DMD: variants seen among roughly 807,000 people sequenced by gnomAD.
The protein encoded by DMD is dystrophin.
In DMD, 63 loss-of-function variants were observed where a neutral mutation model predicts 330.1. The observed-to-expected ratio is 0.19, with a 90% CI of 0.16 to 0.24. The LOEUF is 0.24. Ranked by LOEUF, DMD falls within the 10% of genes least tolerant of loss-of-function variation. DMD has a pLI of 1.00. For missense variants in DMD, 3,344 were observed against 2,684.1 expected (o/e 1.25, Z -5.43); for synonymous variants, 1,223 against 959.8 (o/e 1.27, Z -5.07).
intron 2 of DMD, among the ~76,000 whole-genome samples, chrX:32,962,199 C>CA (rs1162509823): frequency 2.7e-5 from 3 of 111,574 alleles, no homozygotes; most frequent in Non-Finnish European, 5.7e-5. Flanking sequence ...CAATAACTTG[C>CA]ACCATTGCAG....
intron 4 of DMD, among the ~76,000 whole-genome samples, chrX:32,844,355 G>A (rs190013320): frequency 8.5e-4 from 89 of 104,166 alleles, no homozygotes; most frequent in Admixed American, 8.1e-3. Context: ...GCAGTGAGCC[G>A]AGATCACGCC....
At chrX:31,296,820 T>A (rs1489716822) in intron 62 of DMD, among the ~76,000 whole-genome samples, 3 of 111,964 alleles carry the variant, frequency 2.7e-5, no homozygotes, top group African/African-American at 9.7e-5. Context: ...ATTTTTGTTA[T>A]CCTTTAGCTT....
At chrX:32,597,335 C>G (rs1019134759) in intron 12 of DMD, among the ~76,000 whole-genome samples, 1 of 111,613 alleles carries the variant, frequency 9.0e-6, no homozygotes, top group Admixed American at 9.5e-5. Flanking sequence ...TCCACTAGAA[C>G]AGAGATGCCC....
chrX:32,815,550 T>C (rs1413945487), intron 6 of DMD, among the ~76,000 whole-genome samples: 3 of 97,308 alleles, frequency 3.1e-5, no homozygotes, highest in African/African-American at 1.3e-4. Flanking sequence ...TATATACATA[T>C]ATAGAGTATA....
chrX:32,602,972 G>A (rs990792129), intron 12 of DMD, among the ~76,000 whole-genome samples: 3 of 111,021 alleles, frequency 2.7e-5, no homozygotes, highest in Admixed American at 9.6e-5. Context: ...TAAACTCTTT[G>A]AACACATCTA....
chrX:31,170,060 A>G (rs1169647242), intron 73 of DMD, among the ~76,000 whole-genome samples: 1 of 112,090 alleles, frequency 8.9e-6, no homozygotes, highest in Admixed American at 9.4e-5. Context: ...TATTAAGTGG[A>G]AGGCAATGTA....
chrX:31,208,053 C>T (rs1044892991), intron 65 of DMD, among the ~76,000 whole-genome samples: 10 of 111,397 alleles, frequency 9.0e-5, no homozygotes, highest in Admixed American at 3.8e-4. Flanking sequence ...TATTTTATTA[C>T]GGAAAGCTAC....
At chrX:31,889,647 T>TCTCA (rs796563415) in intron 47 of DMD, among the ~76,000 whole-genome samples, 1,285 of 71,490 alleles carry the variant, frequency 0.018, 28 homozygotes, top group African/African-American at 0.065. Flanking sequence ...TCTCTCTCTC[T>TCTCA]CACACACACA....
rs912566231 is a variant in DMD, at chrX:32,595,676, G to A, written c.1602+81C>T. The A allele has an allele frequency of 4.7e-4, 442 of 935,972 alleles. 1 individual carries two copies. The highest frequency in any genetic ancestry group is 6.1e-4 in the Non-Finnish European group (401 of 661,273). The allele number at this position is 935,972 out of a possible 1,213,427, so 77.1% of individuals were successfully genotyped here. A position where few individuals can be genotyped will look rare whatever the true frequency, so the allele number is the denominator to read the frequency against. On this transcript the variant is annotated intron_variant, in intron 13 of 78. Transcript: ENST00000357033. ...TTCTAAGTATTTTAATATATAAATT[G>A]CATTCTAAATTTTTAAAATACTTTT... is the stretch of plus-strand genomic sequence containing the variant.
chrX:32,578,491 G>A (rs1178730856), intron 13 of DMD, among the ~76,000 whole-genome samples: 2 of 111,972 alleles, frequency 1.8e-5, no homozygotes, highest in Non-Finnish European at 1.9e-5. Flanking sequence ...CAACGGGGAG[G>A]ATTTTTTCCT....
chrX:32,553,729 G>T (rs1297580620), intron 16 of DMD, among the ~76,000 whole-genome samples: 1 of 111,712 alleles, frequency 9.0e-6, no homozygotes, highest in African/African-American at 3.3e-5. Flanking sequence ...GTTATTTTAT[G>T]ATATGGTTTG....
intron 2 of DMD, among the ~76,000 whole-genome samples, chrX:32,999,892 T>C (rs188179728): frequency 8.8e-6 from 1 of 113,089 alleles, no homozygotes; most frequent in East Asian, 2.8e-4. Flanking sequence ...AGATCCATTG[T>C]TGCATACTTG....
chrX:31,518,121 T>G (rs1329242356), intron 55 of DMD, among the ~76,000 whole-genome samples: 1 of 111,389 alleles, frequency 9.0e-6, no homozygotes, highest in Non-Finnish European at 1.9e-5. Flanking sequence ...GGACACAATT[T>G]CCTGAGAAAA....
chrX:32,849,504 T>A (rs1374167069), intron 3 of DMD, among the ~76,000 whole-genome samples: 1 of 111,896 alleles, frequency 8.9e-6, no homozygotes, highest in Non-Finnish European at 1.9e-5. Flanking sequence ...TAAAACTGAA[T>A]AATATCTATT....
intron 7 of DMD, among the ~76,000 whole-genome samples, chrX:32,739,240 GA>G (rs1268110709): frequency 1.8e-5 from 2 of 111,981 alleles, no homozygotes; most frequent in Non-Finnish European, 3.8e-5. Context: ...TCCAGCTCCA[GA>G]ACCTATGCTG....
intron 55 of DMD, 23 bp from the exon 56 acceptor site, chrX:31,507,476 A>T: frequency 8.5e-6 from 10 of 1,175,357 alleles, no homozygotes; most frequent in Non-Finnish European, 1.1e-5. Context: ...AGGAAGAAGA[A>T]TATGTGCAGA....
intron 48 of DMD, among the ~76,000 whole-genome samples, chrX:31,860,044 C>T (rs1439261667): frequency 9.0e-6 from 1 of 110,504 alleles, no homozygotes; most frequent in South Asian, 3.8e-4. Context: ...TTCTCCTCCA[C>T]ACAGAATCAG....
At chrX:32,441,155 T>C (rs1309982582) in intron 28 of DMD, 25 bp downstream of exon 28, 4 of 1,202,219 alleles carry the variant, frequency 3.3e-6, no homozygotes, top group African/African-American at 3.5e-5. Flanking sequence ...TAAATTATCA[T>C]CATTTGGCTT....
chrX:31,245,080 C>A (rs4382625), intron 63 of DMD, among the ~76,000 whole-genome samples: 26,611 of 110,745 alleles, frequency 0.24, 2,455 homozygotes, highest in East Asian at 0.47. Flanking sequence ...ACACTTTTTA[C>A]GGGTCTTATT....
Sources: gnomAD v4.1 joint callset for allele counts (sites outside exome capture counted in the v4.1 genomes callset) on GRCh38, gnomAD v4.1.1 for gene constraint, MANE v1.5 for transcripts, NCBI Gene and HGNC (gene_info 2026-07-23, HGNC 2026-07-21) for gene names.